The following LY6S variants were observed in gnomAD, a reference collection of about 807,000 sequenced individuals.
LY6S encodes lymphocyte antigen 6S.
At chr8:143,044,662 C>T in the LY6S span, 2 of 1,365,658 alleles carry the variant, frequency 1.5e-6, no homozygotes, top group Non-Finnish European at 2.0e-6. Flanking sequence ...CTGCCCTCTG[C>T]CCTGGCACCC....
At chr8:143,043,171 C>T in the LY6S span, 34 of 1,367,880 alleles carry the variant, frequency 2.5e-5, no homozygotes, top group Admixed American at 2.3e-4. Flanking sequence ...AGGAGCTGTA[C>T]GCACAGGGCC....
chr8:143,049,981 G>T, the LY6S span, among the ~76,000 whole-genome samples: 3 of 152,200 alleles, frequency 2.0e-5, no homozygotes, highest in Non-Finnish European at 4.4e-5. Flanking sequence ...CCGAAACTGG[G>T]AGAAACACCC....
chr8:143,051,087 A>G, the LY6S span, among the ~76,000 whole-genome samples: 1 of 152,232 alleles, frequency 6.6e-6, no homozygotes, highest in Non-Finnish European at 1.5e-5. Context: ...CAGGAGCCTG[A>G]GCGAGTGGCA....
chr8:143,064,118 A>G, the LY6S span, among the ~76,000 whole-genome samples: 1 of 152,358 alleles, frequency 6.6e-6, no homozygotes, highest in African/African-American at 2.4e-5. Context: ...AGTTATTCAC[A>G]TGCATGCTGA....
the LY6S span, among the ~76,000 whole-genome samples, chr8:143,071,423 C>T: frequency 6.6e-6 from 1 of 152,026 alleles, no homozygotes. Flanking sequence ...TGTCAAAACC[C>T]GCAGAATATA....
chr8:143,047,327 A>T, the LY6S span, among the ~76,000 whole-genome samples: 1 of 151,026 alleles, frequency 6.6e-6, no homozygotes, highest in African/African-American at 2.4e-5. Context: ...TTGTATTTTT[A>T]GTAGAGACGG....
chr8:143,057,670 G>A, the LY6S span: 76 of 888,772 alleles, frequency 8.6e-5, 1 homozygote, highest in Admixed American at 6.8e-4. Flanking sequence ...AGACTCAGCC[G>A]CTGGCGGGAT....
chr8:143,061,885 C>G, the LY6S span, among the ~76,000 whole-genome samples: 1 of 152,144 alleles, frequency 6.6e-6, no homozygotes, highest in South Asian at 2.1e-4. Context: ...ATAGAACAAG[C>G]GGACAAAAAT....
the LY6S span, among the ~76,000 whole-genome samples, chr8:143,065,314 C>T: frequency 3.9e-5 from 6 of 152,180 alleles, no homozygotes; most frequent in Admixed American, 6.5e-5. Context: ...GAGGTTTTCT[C>T]TTCCTCCCCT....
At chr8:143,064,078 A>G in the LY6S span, among the ~76,000 whole-genome samples, 1 of 152,238 alleles carries the variant, frequency 6.6e-6, no homozygotes, top group Non-Finnish European at 1.5e-5. Context: ...TGGGAGCCCC[A>G]GGGCTAGGGC....
At chr8:143,065,751 T>C in the LY6S span, among the ~76,000 whole-genome samples, 15 of 105,252 alleles carry the variant, frequency 1.4e-4, 2 homozygotes, top group Middle Eastern at 0.011. Flanking sequence ...TTTCTCTTTC[T>C]TTCTTTCTTT....
At chr8:143,060,174 T>C in the LY6S span, among the ~76,000 whole-genome samples, 1 of 152,198 alleles carries the variant, frequency 6.6e-6, no homozygotes, top group African/African-American at 2.4e-5. Flanking sequence ...GGCTCCTTGG[T>C]CTAGCGGTAG....
At chr8:143,049,730 A>G in the LY6S span, among the ~76,000 whole-genome samples, 1 of 152,166 alleles carries the variant, frequency 6.6e-6, no homozygotes, top group African/African-American at 2.4e-5. Flanking sequence ...CCTCCTTTGC[A>G]GGTACAATAG....
At chr8:143,073,511 G>T in the LY6S span, among the ~76,000 whole-genome samples, 217 of 129,114 alleles carry the variant, frequency 1.7e-3, no homozygotes, top group African/African-American at 6.5e-3. Context: ...CGGGGCTCCT[G>T]TTTGAGAAGA....
the LY6S span, among the ~76,000 whole-genome samples, chr8:143,041,623 G>A: frequency 1.3e-5 from 2 of 152,164 alleles, no homozygotes; most frequent in African/African-American, 4.8e-5. Flanking sequence ...GAAATCACAA[G>A]GGTATTGATT....
the LY6S span, among the ~76,000 whole-genome samples, chr8:143,074,410 G>T: frequency 0.19 from 29,340 of 152,020 alleles, 3,732 homozygotes; most frequent in East Asian, 0.34. Context: ...CTATGGACCT[G>T]TCTGAAACTT....
the LY6S span, among the ~76,000 whole-genome samples, chr8:143,070,464 A>T: frequency 1.4e-3 from 48 of 34,194 alleles, 2 homozygotes; most frequent in East Asian, 5.0e-3. Flanking sequence ...ATATATATAT[A>T]ATATATATAT....
chr8:143,063,097 A>G, the LY6S span, among the ~76,000 whole-genome samples: 1 of 152,154 alleles, frequency 6.6e-6, no homozygotes, highest in Non-Finnish European at 1.5e-5. Flanking sequence ...TCCTGTTTGG[A>G]GCAAGCTTAT....
the LY6S span, among the ~76,000 whole-genome samples, chr8:143,070,334 A>G: frequency 1.4e-5 from 2 of 145,788 alleles, no homozygotes; most frequent in South Asian, 2.1e-4. Context: ...CAGTTCAGCC[A>G]TAACAAGTGC....
Sources: gnomAD v4.1 joint callset for allele counts (sites outside exome capture counted in the v4.1 genomes callset) on GRCh38, gnomAD v4.1.1 for gene constraint, MANE v1.5 for transcripts, NCBI Gene and HGNC (gene_info 2026-07-23, HGNC 2026-07-21) for gene names.